The following ZNF134 variants were observed in gnomAD, a reference collection of about 807,000 sequenced individuals.
ZNF134 encodes zinc finger protein 134 (clone pHZ-15).
A neutral mutation model predicts 2.5 loss-of-function variants in ZNF134; 5 were observed. That is an observed-to-expected ratio of 2.03 (90% CI 1.06 to 4.27). The LOEUF is 4.27. Ranked by LOEUF, ZNF134 falls within the 30% of genes most tolerant of loss-of-function variation. The pLI, the probability that ZNF134 is intolerant of heterozygous loss-of-function variation, is 0.00. For synonymous variants in ZNF134, 176 were observed against 176.2 expected (o/e 1.00, Z 0.01); for missense variants, 540 against 517.5 (o/e 1.04, Z -0.42).
In ZNF134 at chr19:57,614,466, C is replaced by T. The variant is rs1980994746; in HGVS notation, c.-95C>T. On this transcript the variant is annotated 5_prime_UTR_variant, in exon 1 of 3. Coordinates refer to ENST00000396161, the MANE Select transcript of ZNF134 (RefSeq NM_003435.5). ...CTCGCGGCTCCGGGTGGTCTACGAA[C>T]TGTGATGGCGGCGGCCGCGGTGATG... is the stretch of plus-strand genomic sequence containing the variant. 2.4e-6 allele frequency: 1 copy of T among 418,344 alleles called. No homozygotes were observed. Among genetic ancestry groups the T allele is most frequent in the Non-Finnish European group, 4.8e-6 (1 of 209,152 alleles). 25.9% of individuals were successfully genotyped at this position (418,344 alleles called of 1,614,324 possible).
In ZNF134 at chr19:57,620,809, G is replaced by A. The variant is rs1357960019; in HGVS notation, c.690G>A (p.Arg230=). 1 of 1,614,062 alleles carries A rather than the reference G, an allele frequency of 6.2e-7. No homozygotes were observed. Among genetic ancestry groups the A allele is most frequent in the Non-Finnish European group, 8.5e-7 (1 of 1,180,038 alleles). The part of the protein sequence containing the change: ...VQHQRIHTGE[R]PYECSECGKT... ...ATCAGAGAATCCATACTGGAGAAAG[G>A]CCTTATGAATGCAGCGAATGTGGAA... The change falls in exon 3 of 3, where the codon AGG becomes AGA. Residue 230 remains arginine, a synonymous_variant. Transcript: ENST00000396161.
intron 1 of ZNF134, among the ~76,000 whole-genome samples, chr19:57,617,813 G>A (rs753476229): frequency 9.2e-5 from 14 of 152,186 alleles, no homozygotes; most frequent in Non-Finnish European, 2.9e-5. Context: ...AGAAGAGGGA[G>A]GGAAATGTCC....
Position 57,621,164 on chromosome 19 carries a change from T to C in ZNF134, c.1045T>C (p.Cys349Arg). ...TESKPFECIECGKFFSRSSDY... is the reference protein window; with the variant it reads ...TESKPFECIERGKFFSRSSDY... The stretch of plus-strand genomic sequence containing the variant: ...GTCAAAGCCGTTTGAGTGCATTGAA[T>C]GCGGGAAATTCTTTAGTCGAAGTTC... Residue 349 changes from cysteine (C) to arginine (R), a missense_variant, in exon 3 of 3, where the codon TGC becomes CGC. Coordinates refer to ENST00000396161, the MANE Select transcript of ZNF134 (RefSeq NM_003435.5). 6.2e-7 allele frequency: 1 copy of C among 1,614,252 alleles called. No homozygotes were observed. Among genetic ancestry groups the C allele is most frequent in the Non-Finnish European group, 8.5e-7 (1 of 1,180,046 alleles).
chr19:57,621,272 T>G lies in ZNF134; in HGVS notation c.1153T>G (p.Ser385Ala), dbSNP rs1215471138. 1 of 1,613,890 alleles carries G rather than the reference T, an allele frequency of 6.2e-7. No homozygotes were observed. The change falls in exon 3 of 3, where the codon TCC becomes GCC. Residue 385 changes from serine to alanine, a missense_variant. By Grantham distance (99) the Ser-to-Ala change is moderately conservative (BLOSUM62 1). Transcript: ENST00000396161. ...SKCGKDFIRT[S>A]HLVRHQRVHT... ...ATGTGGGAAAGACTTTATCAGAACC[T>G]CCCACCTTGTTCGACACCAAAGAGT...
In ZNF134 at chr19:57,623,091, C is replaced by G. The variant is rs1187771171; in HGVS notation, c.*1688C>G. ...CCTTTCTCTCAGTGCTCGCCTTCCC[C>G]CAGAATCCCTAGGCAACCACTGAGT... On this transcript the variant is annotated 3_prime_UTR_variant, in exon 3 of 3. Transcript: ENST00000396161. 1 of 152,056 alleles carries G rather than the reference C, an allele frequency of 6.6e-6. No individual in the cohort carries two copies. The highest frequency in any genetic ancestry group is 1.5e-5 in the Non-Finnish European group (1 of 68,010). 9.4% of individuals were successfully genotyped at this position (152,056 alleles called of 1,614,324 possible).
rs984961077 is a variant in ZNF134 at position 57,614,502 on chromosome 19, A to C, written c.-59A>C. 4.1e-4 allele frequency: 155 copies of C among 376,602 alleles called. No homozygotes were observed. Among genetic ancestry groups the C allele is most frequent in the Admixed American group, 1.2e-3 (39 of 31,388 alleles). 23.3% of individuals were successfully genotyped at this position (376,602 alleles called of 1,614,324 possible). A position where few individuals can be genotyped will look rare whatever the true frequency, so the allele number is the denominator to read the frequency against. On this transcript the variant is annotated splice_region_variant and 5_prime_UTR_variant, in exon 1 of 3. Coordinates refer to ENST00000396161, the MANE Select transcript of ZNF134 (RefSeq NM_003435.5). ...GCGGCCGCGGTGATGGGCCCGGCGC[A>C]GGTGGGTGCTGCCTTTCCCAGACTT...
intron 1 of ZNF134, among the ~76,000 whole-genome samples, chr19:57,617,194 C>T (rs1182479651): frequency 6.6e-6 from 1 of 152,140 alleles, no homozygotes; most frequent in East Asian, 1.9e-4. Context: ...GGAGCCACTG[C>T]AGGTTTGGAG....
chr19:57,620,184 A>G lies in ZNF134; in HGVS notation c.65A>G (p.Glu22Gly). The change falls in exon 3 of 3, where the codon GAA becomes GGA. Residue 22 changes from glutamate (E) to glycine (G), a missense_variant. By Grantham distance (98) the Glu-to-Gly change is moderately conservative (BLOSUM62 -2). Transcript: ENST00000396161. ...GGTTGTTGGCATGAAGTGAAGGATGAAGAGTCATCTTCTGAACAGAGCATT... is the reference window on the plus strand; with the variant it reads ...GGTTGTTGGCATGAAGTGAAGGATGGAGAGTCATCTTCTGAACAGAGCATT... ...GPGCWHEVKD[E>G]ESSSEQSISI... The G allele has an allele frequency of 2.5e-6, 4 of 1,613,344 alleles. No homozygotes were observed. The highest frequency in any genetic ancestry group is 3.4e-6 in the Non-Finnish European group (4 of 1,179,380).
intron 1 of ZNF134, among the ~76,000 whole-genome samples, chr19:57,616,432 C>CA (rs1253252652): frequency 6.6e-6 from 1 of 152,178 alleles, no homozygotes; most frequent in African/African-American, 2.4e-5. Context: ...CCTAATTTTT[C>CA]AAAAACTCAT....
At position 57,620,462 on chromosome 19, in the gene ZNF134, A is replaced by T; in HGVS notation, c.343A>T (p.Ile115Phe). The T allele has an allele frequency of 6.2e-7, 1 of 1,614,220 alleles. No individual in the cohort carries two copies. The highest frequency in any genetic ancestry group is 8.5e-7 in the Non-Finnish European group (1 of 1,180,038). ...PLRRDKSEAS[I>F]VKNCTVSKEP... ...AAGAAGGGATAAAAGTGAGGCCTCA[A>T]TTGTGAAGAACTGCACAGTTAGCAA... is the stretch of plus-strand genomic sequence containing the variant. Residue 115 changes from isoleucine to phenylalanine, a missense_variant, in exon 3 of 3, where the codon ATT becomes TTT. Transcript: ENST00000396161.
chr19:57,617,674 C>T, intron 1 of ZNF134, among the ~76,000 whole-genome samples: 1 of 152,086 alleles, frequency 6.6e-6, no homozygotes. Context: ...GGGTGGCAGC[C>T]AGCATGTGGA....
Position 57,620,619 on chromosome 19 carries a change from A to G in ZNF134, c.500A>G (p.Asp167Gly). The G allele has an allele frequency of 6.2e-7, 1 of 1,614,218 alleles. No homozygotes were observed. The highest frequency in any genetic ancestry group is 8.5e-7 in the Non-Finnish European group (1 of 1,180,044). Residue 167 changes from aspartate to glycine, a missense_variant, in exon 3 of 3, where the codon GAT becomes GGT. Physicochemically the swap from Asp to Gly is moderately conservative, Grantham distance 94 (BLOSUM62 -1). Coordinates refer to ENST00000396161, the MANE Select transcript of ZNF134 (RefSeq NM_003435.5). ...RKTHRSTESG[D>G]AFHGEQMHYK... ...ACACACAGGAGCACTGAGAGTGGGG[A>G]TGCATTTCATGGTGAACAAATGCAT...
rs779524837 is a variant in ZNF134, at chr19:57,621,543, T to C, written c.*140T>C. 1.5e-6 allele frequency: 2 copies of C among 1,364,006 alleles called. No individual in the cohort carries two copies. Among genetic ancestry groups the C allele is most frequent in the South Asian group, 1.2e-5 (1 of 85,664 alleles). The allele number at this position is 1,364,006 out of a possible 1,614,324, so 84.5% of individuals were successfully genotyped here. A position where few individuals can be genotyped will look rare whatever the true frequency, so the allele number is the denominator to read the frequency against. On this transcript the variant is annotated 3_prime_UTR_variant, in exon 3 of 3. Transcript: ENST00000396161. ...TGTTGCACTTTCTGACTTGCTCAGG[T>C]TTTTTGCCAGAGTTATGTCACTGTC...
intron 1 of ZNF134, among the ~76,000 whole-genome samples, chr19:57,617,611 T>G (rs944333026): frequency 6.6e-5 from 10 of 152,168 alleles, no homozygotes; most frequent in African/African-American, 2.4e-4. Flanking sequence ...AGTAGACAGC[T>G]GGACACAGAG....
In ZNF134 at chr19:57,623,475, A is replaced by G. The variant is rs1017514584; in HGVS notation, c.*2072A>G. Reference sequence around the variant, plus strand: ...AAAATATATTGGAAAAGAGATACATACAGGGAAGAACTGTGAAACAGAAAA... The same window carrying G: ...AAAATATATTGGAAAAGAGATACATGCAGGGAAGAACTGTGAAACAGAAAA... On this transcript the variant is annotated 3_prime_UTR_variant, in exon 3 of 3. Coordinates refer to ENST00000396161, the MANE Select transcript of ZNF134 (RefSeq NM_003435.5). 3.3e-5 allele frequency: 5 copies of G among 152,196 alleles called. No homozygotes were observed. Among genetic ancestry groups the G allele is most frequent in the African/African-American group, 9.7e-5 (4 of 41,444 alleles). 9.4% of individuals were successfully genotyped at this position (152,196 alleles called of 1,614,324 possible).
rs1981293653 is a variant in ZNF134 at position 57,623,575 on chromosome 19, G to T, written c.*2172G>T. 1 of 151,856 alleles carries T rather than the reference G, an allele frequency of 6.6e-6. No homozygotes were observed. The highest frequency in any genetic ancestry group is 1.5e-5 in the Non-Finnish European group (1 of 67,988). 9.4% of individuals were successfully genotyped at this position (151,856 alleles called of 1,614,324 possible). On this transcript the variant is annotated 3_prime_UTR_variant, in exon 3 of 3. Transcript: ENST00000396161. ...AAAAAAAACAAACCATTGAAATTAA[G>T]AGATTCATTGTTAGGAAAGATAGAT...
chr19:57,620,892 T>C lies in ZNF134; in HGVS notation c.773T>C (p.Met258Thr). 6.2e-7 allele frequency: 1 copy of C among 1,614,126 alleles called. No individual in the cohort carries two copies. Among genetic ancestry groups the C allele is most frequent in the East Asian group, 2.2e-5 (1 of 44,868 alleles). The change falls in exon 3 of 3, where the codon ATG becomes ACG. Residue 258 changes from methionine to threonine, a missense_variant. Met to Thr is a moderately conservative substitution (Grantham distance 81). Coordinates refer to ENST00000396161, the MANE Select transcript of ZNF134 (RefSeq NM_003435.5). ...TQHKRIHTGE[M>T]PYKCNECGKY... ...CACAAGAGAATCCACACTGGAGAAA[T>C]GCCTTATAAGTGCAATGAATGTGGG...
Position 57,620,868 on chromosome 19 carries a change from A to G in ZNF134, c.749A>G (p.His250Arg). The G allele has an allele frequency of 1.2e-6, 2 of 1,614,216 alleles. No homozygotes were observed. Among genetic ancestry groups the G allele is most frequent in the Non-Finnish European group, 1.7e-6 (2 of 1,180,036 alleles). Residue 250 changes from histidine to arginine, a missense_variant, in exon 3 of 3, where the codon CAC becomes CGC. Coordinates refer to ENST00000396161, the MANE Select transcript of ZNF134 (RefSeq NM_003435.5). ...AGTCGAAAAGACAACCTTACTCAGCACAAGAGAATCCACACTGGAGAAATG... is the reference window on the plus strand; with the variant it reads ...AGTCGAAAAGACAACCTTACTCAGCGCAAGAGAATCCACACTGGAGAAATG... ...TFSRKDNLTQ[H>R]KRIHTGEMPY...
rs555505751 is a variant in ZNF134, at chr19:57,621,936, G to A, written c.*533G>A. 9.7e-5 allele frequency: 21 copies of A among 216,300 alleles called. No homozygotes were observed. In the South Asian group the frequency reaches 1.5e-3, roughly 15 times the overall value. 13.4% of individuals were successfully genotyped at this position (216,300 alleles called of 1,614,324 possible). On this transcript the variant is annotated 3_prime_UTR_variant, in exon 3 of 3. Coordinates refer to ENST00000396161, the MANE Select transcript of ZNF134 (RefSeq NM_003435.5). Reference sequence around the variant, plus strand: ...ACAGTTTAAGCCACATTTAATCTTGGGGCTTCTTCTTATGGTCTGGGGTGG... The same window carrying A: ...ACAGTTTAAGCCACATTTAATCTTGAGGCTTCTTCTTATGGTCTGGGGTGG...
Sources: allele counts gnomAD v4.1 joint callset (sites outside exome capture counted in the v4.1 genomes callset), GRCh38; gene constraint gnomAD v4.1.1; transcripts MANE v1.5; gene names NCBI Gene and HGNC (gene_info 2026-07-23, HGNC 2026-07-21).